HMGA2: variants seen among roughly 807,000 people sequenced by gnomAD.
HMGA2 encodes high mobility group AT-hook 2.
Under a neutral mutation model 19.1 loss-of-function variants are expected in HMGA2, and 8 were observed. The ratio of observed to expected loss-of-function variants is 0.42; its 90% CI spans 0.25 to 0.76. HMGA2 has a LOEUF of 0.76. HMGA2 is among the 30% of genes least tolerant of loss of function. The pLI, the probability that HMGA2 is intolerant of heterozygous loss-of-function variation, is 0.28. For missense variants in HMGA2, 109 were observed against 136.3 expected, an observed-to-expected ratio of 0.80 and a Z score of 1.00; for synonymous variants, 60 against 48.8, an observed-to-expected ratio of 1.23 and a Z score of -0.96.
rs1873415208 is a variant in HMGA2 at position 65,881,827 on chromosome 12, C to T, written c.249+43258C>T. ...TGCGCGCAAGTGGTGGGATGACAGA[C>T]ACATTCCCTTCCTTGAACTGCACTC... On this transcript the variant is annotated intron_variant, in intron 3 of 4. Transcript: ENST00000403681. 1.1e-5 allele frequency: 8 copies of T among 703,064 alleles called. No individual in the cohort carries two copies. The East Asian group carries it at 1.9e-4, about 17-fold the overall frequency. The allele number at this position is 703,064 out of a possible 1,614,324, so 43.6% of individuals were successfully genotyped here. A position where few individuals can be genotyped will look rare whatever the true frequency, so the allele number is the denominator to read the frequency against.
At chr12:65,936,495 T>G (rs1875900778) in intron 3 of HMGA2, among the ~76,000 whole-genome samples, 1 of 152,170 alleles carries the variant, frequency 6.6e-6, no homozygotes, top group Non-Finnish European at 1.5e-5. Context: ...ACGGCCAGGC[T>G]TAAGTGACTA....
chr12:65,946,395 C>T (rs1876264559), intron 3 of HMGA2, among the ~76,000 whole-genome samples: 1 of 152,198 alleles, frequency 6.6e-6, no homozygotes, highest in African/African-American at 2.4e-5. Flanking sequence ...AACCCAGAGA[C>T]TCATCTGCAC....
chr12:65,833,173 T>C (rs1455252466), intron 2 of HMGA2, among the ~76,000 whole-genome samples: 1 of 152,078 alleles, frequency 6.6e-6, no homozygotes, highest in Non-Finnish European at 1.5e-5. Context: ...CATGTAAAAT[T>C]AGGAAACTTA....
chr12:65,906,619 C>T (rs985781026), intron 3 of HMGA2, among the ~76,000 whole-genome samples: 1 of 152,048 alleles, frequency 6.6e-6, no homozygotes, highest in Non-Finnish European at 1.5e-5. Flanking sequence ...TGAGTTAGTT[C>T]AACTCATAGA....
intron 3 of HMGA2, chr12:65,866,863 T>A (rs1178481284): frequency 2.2e-6 from 1 of 457,072 alleles, no homozygotes; most frequent in African/African-American, 2.0e-5. Flanking sequence ...CCCATCTGAG[T>A]CAAATTTTTC....
chr12:65,901,427 T>C (rs1281037152), intron 3 of HMGA2, among the ~76,000 whole-genome samples: 1 of 152,224 alleles, frequency 6.6e-6, no homozygotes, highest in Non-Finnish European at 1.5e-5. Flanking sequence ...CCAATGTTCA[T>C]GTTGAAACTG....
intron 3 of HMGA2, chr12:65,858,791 T>C (rs938795586): frequency 2.0e-5 from 3 of 152,224 alleles, no homozygotes; most frequent in Non-Finnish European, 4.4e-5. Flanking sequence ...CTGTGCTTCT[T>C]TCTGATTATT....
rs372355740 is a variant in HMGA2 at position 65,908,831 on chromosome 12, C to A, written c.250-42552C>A. Among the ~76,000 whole-genome samples the A allele has an allele frequency of 2.9e-4, 44 of 152,310 alleles. 1 individual carries two copies. In the East Asian group the frequency reaches 8.1e-3, roughly 28 times the overall value. ...TGAGGAGTTTCTGCAATGTGGTCAA[C>A]TACAGCAAAAGGCTTTTTTTGTTAC... On this transcript the variant is annotated intron_variant, in intron 3 of 4. Coordinates refer to ENST00000403681, the MANE Select transcript of HMGA2 (RefSeq NM_003483.6).
intron 3 of HMGA2, among the ~76,000 whole-genome samples, chr12:65,889,408 C>T (rs1873809561): frequency 6.6e-6 from 1 of 152,098 alleles, no homozygotes; most frequent in African/African-American, 2.4e-5. Flanking sequence ...CACAGAGGAC[C>T]CTTTGTAGTA....
chr12:65,894,144 A>T (rs1371224919), intron 3 of HMGA2, among the ~76,000 whole-genome samples: 1 of 152,048 alleles, frequency 6.6e-6, no homozygotes, highest in Non-Finnish European at 1.5e-5. Context: ...TATTCACTGC[A>T]TTTTTTTCTA....
At chr12:65,873,729 C>G (rs1193067955) in intron 3 of HMGA2, 1 of 152,174 alleles carries the variant, frequency 6.6e-6, no homozygotes, top group Non-Finnish European at 1.5e-5. Flanking sequence ...TATTCATCCT[C>G]ACAAAATTCA....
chr12:65,838,393 CAAA>C (rs60377295), intron 2 of HMGA2, 123 bp from the exon 3 acceptor site: 32 of 593,266 alleles, frequency 5.4e-5, no homozygotes, highest in East Asian at 1.6e-4. Flanking sequence ...TTAAAAAAAA[CAAA>C]AAAAAAAAAA....
chr12:65,832,549 T>A (rs1234643756), intron 2 of HMGA2, among the ~76,000 whole-genome samples: 1 of 152,036 alleles, frequency 6.6e-6, no homozygotes, highest in Admixed American at 6.5e-5. Context: ...TTTATGTCAG[T>A]TAAATCATTC....
intron 4 of HMGA2, chr12:65,952,621 C>T (rs571464654): frequency 4.0e-6 from 3 of 758,058 alleles, no homozygotes; most frequent in Non-Finnish European, 5.6e-6. Flanking sequence ...CGTCTTTAAG[C>T]AATATTTAAA....
chr12:65,861,637 A>AAC (rs1188822804), intron 3 of HMGA2, among the ~76,000 whole-genome samples: 13 of 151,166 alleles, frequency 8.6e-5, no homozygotes, highest in Middle Eastern at 3.4e-3. Context: ...AAAAAAAAAA[A>AAC]AAAACCTAGA....
intron 3 of HMGA2, among the ~76,000 whole-genome samples, chr12:65,877,704 AG>A (rs1873119988): frequency 6.6e-6 from 1 of 152,142 alleles, no homozygotes; most frequent in East Asian, 1.9e-4. Context: ...TTTCAGAATG[AG>A]AACTCTTCAA....
At chr12:65,931,128 A>G (rs1002299795) in intron 3 of HMGA2, among the ~76,000 whole-genome samples, 1 of 152,234 alleles carries the variant, frequency 6.6e-6, no homozygotes, top group Non-Finnish European at 1.5e-5. Flanking sequence ...TTTGCTCAGC[A>G]GCACTAAATT....
At chr12:65,872,942 G>A (rs922561785) in intron 3 of HMGA2, among the ~76,000 whole-genome samples, 10 of 152,126 alleles carry the variant, frequency 6.6e-5, no homozygotes, top group African/African-American at 2.4e-4. Flanking sequence ...AGAAAGACCC[G>A]TTTTTCTGAA....
At chr12:65,948,344 T>C (rs983705412) in intron 3 of HMGA2, 1 of 152,230 alleles carries the variant, frequency 6.6e-6, no homozygotes, top group African/African-American at 2.4e-5. Flanking sequence ...GTCGTGTTTT[T>C]AATGCCAAGA....
Sources: allele counts gnomAD v4.1 joint callset (sites outside exome capture counted in the v4.1 genomes callset), GRCh38; gene constraint gnomAD v4.1.1; transcripts MANE v1.5; gene names NCBI Gene and HGNC (gene_info 2026-07-23, HGNC 2026-07-21).